The following CEP164 variants were observed in gnomAD, a reference collection of about 807,000 sequenced individuals.
CEP164 encodes the protein centrosomal protein 164.
Under a neutral mutation model 182.7 loss-of-function variants are expected in CEP164, and 162 were observed. The observed-to-expected ratio is 0.89, with a 90% confidence interval of 0.78 to 1.01. The LOEUF (loss-of-function observed/expected upper bound fraction) is 1.01. Ranked by LOEUF, CEP164 falls within the 50% of genes least tolerant of loss-of-function variation. The pLI is 0.00. For missense variants in CEP164, 1,735 were observed against 1,790.4 expected (o/e 0.97, Z 0.56); for synonymous variants, 661 against 690.0 (o/e 0.96, Z 0.66).
chr11:117,333,738 G>A (rs1320921579), intron 1 of CEP164, among the ~76,000 whole-genome samples: 2 of 151,836 alleles, frequency 1.3e-5, no homozygotes, highest in African/African-American at 2.4e-5. Context: ...GTCGTCTTAT[G>A]TTGCTCACGG....
At chr11:117,354,032 T>G (rs1307820745) in intron 5 of CEP164, among the ~76,000 whole-genome samples, 1 of 151,926 alleles carries the variant, frequency 6.6e-6, no homozygotes, top group Non-Finnish European at 1.5e-5. Flanking sequence ...CTTTTTTTTT[T>G]TTGAGACAGC....
chr11:117,329,862 T>TTTA (rs1555076438), intron 1 of CEP164, among the ~76,000 whole-genome samples: 7 of 141,242 alleles, frequency 5.0e-5, no homozygotes, highest in Non-Finnish European at 9.4e-5. Flanking sequence ...TTTTTTTTTT[T>TTTA]AACTTTGCTA....
At chr11:117,359,246 G>A (rs1322790546) in intron 5 of CEP164, among the ~76,000 whole-genome samples, 1 of 152,122 alleles carries the variant, frequency 6.6e-6, no homozygotes, top group East Asian at 1.9e-4. Flanking sequence ...GCCCAGCCTG[G>A]GCAGGGTTCT....
intron 26 of CEP164, 49 bp downstream of exon 26, chr11:117,396,660 G>GT: frequency 7.2e-7 from 1 of 1,393,362 alleles, no homozygotes; most frequent in Non-Finnish European, 1.0e-6. Flanking sequence ...CCATGAAGGG[G>GT]TAAGTGAGTA....
At chr11:117,397,477 C>T (rs1422705339) in intron 27 of CEP164, among the ~76,000 whole-genome samples, 164 bp downstream of exon 27, 1 of 152,216 alleles carries the variant, frequency 6.6e-6, no homozygotes, top group Non-Finnish European at 1.5e-5. Context: ...GCATAGTATG[C>T]AAACACCTTT....
At chr11:117,354,380 G>C (rs1183360207) in intron 5 of CEP164, among the ~76,000 whole-genome samples, 1 of 152,174 alleles carries the variant, frequency 6.6e-6, no homozygotes, top group African/African-American at 2.4e-5. Flanking sequence ...TAGTATCTTA[G>C]GGATAATCTG....
In CEP164 at chr11:117,409,267, C is replaced by T. The variant is rs1365294708; in HGVS notation, c.3748+239C>T. Reference sequence around the variant, plus strand: ...TGCAGAGCACTCTACGGTGTGACCACTGGCCTTGCTGGCCTCTTCTCTTCC... The same window carrying T: ...TGCAGAGCACTCTACGGTGTGACCATTGGCCTTGCTGGCCTCTTCTCTTCC... On this transcript the variant is annotated intron_variant, in intron 29 of 32. Transcript: ENST00000278935. The surrounding 1 kb of genome is among the most constrained non-coding windows in gnomAD (Gnocchi z 4.4). 5.0e-6 allele frequency: 3 copies of T among 594,318 alleles called. No homozygotes were observed. Among genetic ancestry groups the T allele is most frequent in the Non-Finnish European group, 5.9e-6 (2 of 338,754 alleles). 36.8% of individuals were successfully genotyped at this position (594,318 alleles called of 1,614,324 possible).
chr11:117,389,767 G>A (rs1396620866), intron 15 of CEP164, among the ~76,000 whole-genome samples: 1 of 152,034 alleles, frequency 6.6e-6, no homozygotes. Flanking sequence ...TGGAGGGATG[G>A]TGACTCAGCT....
intron 26 of CEP164, 134 bp downstream of exon 26, chr11:117,396,745 C>T: frequency 1.3e-6 from 1 of 769,544 alleles, no homozygotes; most frequent in South Asian, 1.5e-5. Flanking sequence ...ATGGGGAAGG[C>T]TCCGGAGGAT....
At chr11:117,336,157 G>C (rs1041187689) in intron 2 of CEP164, 27 of 1,574,572 alleles carry the variant, frequency 1.7e-5, no homozygotes, top group Non-Finnish European at 2.1e-5. Flanking sequence ...CTTGATGGGA[G>C]AGCAGAACTG....
At chr11:117,406,067 T>G (rs485570) in intron 27 of CEP164, among the ~76,000 whole-genome samples, 5,743 of 152,290 alleles carry the variant, frequency 0.038, 189 homozygotes, top group Non-Finnish European at 0.059. Flanking sequence ...TGCTTCCACA[T>G]TTTTGGGTAT....
At chr11:117,392,351 C>A in intron 18 of CEP164, 48 bp downstream of exon 18, 1 of 1,586,054 alleles carries the variant, frequency 6.3e-7, no homozygotes, top group South Asian at 1.1e-5. Flanking sequence ...TAGCAGAATT[C>A]AGCCCCATCC....
intron 30 of CEP164, chr11:117,410,261 C>T (rs558255740): frequency 1.8e-6 from 1 of 547,854 alleles, no homozygotes; most frequent in Non-Finnish European, 3.3e-6. Context: ...CTCAGTAGAA[C>T]CTAAAAGGTC....
intron 3 of CEP164, among the ~76,000 whole-genome samples, chr11:117,341,195 A>C (rs1348084895): frequency 6.6e-6 from 1 of 152,148 alleles, no homozygotes; most frequent in African/African-American, 2.4e-5. Context: ...AGGTTTTTCT[A>C]AGGATGTTTA....
intron 12 of CEP164, 41 bp downstream of exon 12, chr11:117,380,746 G>T: frequency 1.9e-6 from 3 of 1,543,684 alleles, no homozygotes; most frequent in Non-Finnish European, 2.6e-6. Flanking sequence ...TGTGCCTTCA[G>T]GGTGGTGTGG....
intron 8 of CEP164, among the ~76,000 whole-genome samples, chr11:117,365,038 G>A (rs7946161): frequency 0.014 from 2,090 of 152,294 alleles, 25 homozygotes; most frequent in Non-Finnish European, 0.02. Flanking sequence ...TTAGTTCCCT[G>A]AAATGACAAC....
intron 17 of CEP164, 48 bp downstream of exon 17, chr11:117,391,263 G>T: frequency 6.5e-7 from 1 of 1,537,082 alleles, no homozygotes. Context: ...TGTCTGGGCT[G>T]CCTGGGGAGG....
chr11:117,360,630 C>A (rs1229202889), intron 5 of CEP164, among the ~76,000 whole-genome samples: 1 of 152,146 alleles, frequency 6.6e-6, no homozygotes, highest in African/African-American at 2.4e-5. Flanking sequence ...ACCTTGGGCT[C>A]CCAAAGTGCT....
At chr11:117,325,463 G>A (rs2035395281), upstream of CEP164, among the ~76,000 whole-genome samples, 1 of 151,846 alleles carries the variant, frequency 6.6e-6, no homozygotes, top group Non-Finnish European at 1.5e-5. Flanking sequence ...TCGGCTCACT[G>A]CAACCTCCAC....
Sources: allele counts gnomAD v4.1 joint callset (sites outside exome capture counted in the v4.1 genomes callset), GRCh38; gene constraint gnomAD v4.1.1; non-coding constraint Gnocchi (gnomAD v3.1); transcripts MANE v1.5; gene names NCBI Gene and HGNC (gene_info 2026-07-23, HGNC 2026-07-21).